The following METTL9 variants were observed in gnomAD, a reference collection of about 807,000 sequenced individuals.
METTL9 encodes protein-L-histidine N-pros-methyltransferase.
In METTL9, 10 loss-of-function variants were observed where a neutral mutation model predicts 36.0. The observed-to-expected ratio is 0.28, with a 90% CI of 0.17 to 0.47. The LOEUF is 0.47. Among genes scored for constraint, METTL9 ranks in the 20% least tolerant of loss-of-function variants. METTL9 has a pLI of 0.99. For synonymous variants in METTL9, 175 were observed against 149.7 expected, an observed-to-expected ratio of 1.17 and a Z score of -1.23; for missense variants, 246 against 383.5, an observed-to-expected ratio of 0.64 and a Z score of 3.00.
intron 1 of METTL9, among the ~76,000 whole-genome samples, chr16:21,603,385 C>T (rs1428930102): frequency 2.0e-5 from 3 of 152,062 alleles, no homozygotes; most frequent in Non-Finnish European, 2.9e-5. Flanking sequence ...GTGATCTTCC[C>T]ACATCGGCTT....
intron 4 of METTL9, chr16:21,653,367 G>T: frequency 6.6e-6 from 1 of 152,348 alleles, no homozygotes; most frequent in Non-Finnish European, 1.5e-5. Flanking sequence ...CACCATGCCT[G>T]GCCCAAAGAC....
chr16:21,638,323 A>G (rs1235233408), intron 4 of METTL9, among the ~76,000 whole-genome samples: 1 of 151,954 alleles, frequency 6.6e-6, no homozygotes, highest in Non-Finnish European at 1.5e-5. Context: ...CATCTCAAGA[A>G]GAAAGAAAAA....
At chr16:21,618,606 A>G (rs997130193) in intron 3 of METTL9, among the ~76,000 whole-genome samples, 3 of 152,214 alleles carry the variant, frequency 2.0e-5, no homozygotes, top group African/African-American at 4.8e-5. Flanking sequence ...GGTATTTCGT[A>G]TAAGAGGAAT....
chr16:21,636,626 T>C (rs1966101132), intron 4 of METTL9, among the ~76,000 whole-genome samples: 1 of 152,178 alleles, frequency 6.6e-6, no homozygotes, highest in Non-Finnish European at 1.5e-5. Context: ...CGGAGCTGAA[T>C]GGCTTTCCTC....
At chr16:21,616,726 A>G (rs1488235803) in intron 2 of METTL9, among the ~76,000 whole-genome samples, 1 of 151,734 alleles carries the variant, frequency 6.6e-6, no homozygotes, top group Non-Finnish European at 1.5e-5. Context: ...CACAAGGACC[A>G]CTCTTTTCCC....
At chr16:21,629,161 G>A (rs1965883515) in intron 4 of METTL9, among the ~76,000 whole-genome samples, 1 of 152,002 alleles carries the variant, frequency 6.6e-6, no homozygotes, top group Non-Finnish European at 1.5e-5. Context: ...AAAGTGCTGT[G>A]ATTACATTTC....
intron 1 of METTL9, among the ~76,000 whole-genome samples, chr16:21,604,147 G>A (rs1965212620): frequency 1.3e-5 from 2 of 152,182 alleles, no homozygotes. Context: ...ATGGATTGGC[G>A]TCCTTCTCTG....
chr16:21,607,393 A>G (rs760865562), intron 1 of METTL9, among the ~76,000 whole-genome samples: 13 of 152,110 alleles, frequency 8.5e-5, no homozygotes, highest in South Asian at 2.1e-4. Context: ...TTAAGACAGT[A>G]TGACCTAATA....
At chr16:21,640,424 CTATCT>C (rs1324734724) in intron 4 of METTL9, 1 of 151,560 alleles carries the variant, frequency 6.6e-6, no homozygotes, top group Admixed American at 6.6e-5. Context: ...ACCATGCCTC[CTATCT>C]GACATTTCCC....
At chr16:21,643,141 C>G in intron 4 of METTL9, 3 of 1,606,094 alleles carry the variant, frequency 1.9e-6, no homozygotes, top group Non-Finnish European at 2.6e-6. Context: ...AAAAATACGC[C>G]GAGCACTCTT....
chr16:21,599,874 G>C lies in METTL9; in HGVS notation c.141G>C (p.Ala47=), dbSNP rs1306873926. The change falls in exon 1 of 5, where the codon GCG becomes GCC. Residue 47 remains alanine, a synonymous_variant. Coordinates refer to ENST00000358154, the MANE Select transcript of METTL9 (RefSeq NM_016025.5). The surrounding 1 kb of genome is among the most constrained non-coding windows in gnomAD (Gnocchi z 4.4). The stretch of plus-strand genomic sequence containing the variant: ...GCCCGGGTGGGCCGGCGGCGGCCGC[G>C]GGCGGCAGGAAGGAGAACCACCAGG... The part of the protein sequence containing the change: ...TSGPGGPAAA[A]GGRKENHQWY... The C allele has an allele frequency of 6.8e-7, 1 of 1,476,242 alleles. No homozygotes were observed. Among genetic ancestry groups the C allele is most frequent in the East Asian group, 3.0e-5 (1 of 33,814 alleles). The allele number at this position is 1,476,242 out of a possible 1,614,324, so 91.4% of individuals were successfully genotyped here.
chr16:21,601,990 C>T (rs1965144107), intron 1 of METTL9, among the ~76,000 whole-genome samples: 1 of 152,144 alleles, frequency 6.6e-6, no homozygotes, highest in Non-Finnish European at 1.5e-5. Flanking sequence ...AGGAAACTGT[C>T]CTTTCTGCAC....
At chr16:21,633,968 G>T (rs1348674841) in intron 4 of METTL9, among the ~76,000 whole-genome samples, 1 of 152,042 alleles carries the variant, frequency 6.6e-6, no homozygotes, top group East Asian at 1.9e-4. Context: ...ACAACAGATG[G>T]GTAACTTGTT....
In METTL9 at chr16:21,624,907, T is replaced by C. The variant is rs1965784699; in HGVS notation, c.567-24T>C. 4 of 1,605,812 alleles carry C rather than the reference T, an allele frequency of 2.5e-6. No homozygotes were observed. The Admixed American group carries it at 5.0e-5, about 20-fold the overall frequency. On this transcript the variant is annotated intron_variant, in intron 3 of 4. Transcript: ENST00000358154. ...TGTCTTTAGAGGGACTTTATGTTAA[T>C]ACAGTTATTTCTGATTTTTCTAGAG... is the stretch of plus-strand genomic sequence containing the variant.
intron 4 of METTL9, among the ~76,000 whole-genome samples, chr16:21,636,305 G>A (rs1166371516): frequency 1.3e-5 from 2 of 152,152 alleles, no homozygotes; most frequent in South Asian, 2.1e-4. Context: ...CCCCTATGAC[G>A]GGGCTTTGGG....
chr16:21,612,583 T>A (rs1965450079), intron 1 of METTL9, 62 bp from the exon 2 acceptor site: 1 of 1,407,946 alleles, frequency 7.1e-7, no homozygotes, highest in Non-Finnish European at 9.3e-7. Flanking sequence ...GTTTTTGGAT[T>A]TCTTAGGTGA....
chr16:21,629,841 TA>T, intron 4 of METTL9, among the ~76,000 whole-genome samples: 1 of 152,004 alleles, frequency 6.6e-6, no homozygotes, highest in East Asian at 2.0e-4. Flanking sequence ...TGGTCCATTT[TA>T]CAGAGAGCTG....
chr16:21,603,500 T>C (rs1256526075), intron 1 of METTL9, among the ~76,000 whole-genome samples: 1 of 152,142 alleles, frequency 6.6e-6, no homozygotes, highest in Non-Finnish European at 1.5e-5. Context: ...TGGGAAGAAA[T>C]AGAGGCAGGC....
At position 21,612,907 on chromosome 16, in the gene METTL9, G is replaced by A. The variant is rs996898889; in HGVS notation, c.356+72G>A. 2.2e-6 allele frequency: 3 copies of A among 1,346,676 alleles called. No homozygotes were observed. In the South Asian group the frequency reaches 4.5e-5, roughly 20 times the overall value. 83.4% of individuals were successfully genotyped at this position (1,346,676 alleles called of 1,614,324 possible). A position where few individuals can be genotyped will look rare whatever the true frequency, so the allele number is the denominator to read the frequency against. On this transcript the variant is annotated intron_variant, in intron 2 of 4. Coordinates refer to ENST00000358154, the MANE Select transcript of METTL9 (RefSeq NM_016025.5). ...CAAAAGGAAAAACACAAAAAGAAAA[G>A]TTATCTTGTTCAGCATGTTGACTAC... is the stretch of plus-strand genomic sequence containing the variant.
Sources: gnomAD v4.1 joint callset for allele counts (sites outside exome capture counted in the v4.1 genomes callset) on GRCh38, gnomAD v4.1.1 for gene constraint, Gnocchi (gnomAD v3.1) non-coding constraint, MANE v1.5 for transcripts, NCBI Gene and HGNC (gene_info 2026-07-23, HGNC 2026-07-21) for gene names.